PIEZO2: variants seen among roughly 807,000 people sequenced by gnomAD.
PIEZO2 encodes piezo type mechanosensitive ion channel component 2.
A neutral mutation model predicts 337.3 loss-of-function variants in PIEZO2; 172 were observed. That is an observed-to-expected ratio of 0.51 (90% CI 0.45 to 0.58). The LOEUF (loss-of-function observed/expected upper bound fraction) is 0.58, where lower values mean the gene tolerates loss of function less well. Among genes scored for constraint, PIEZO2 ranks in the 20% least tolerant of loss-of-function variants. PIEZO2 has a pLI of 0.00. For missense variants in PIEZO2, 3,028 were observed against 3,391.3 expected, an observed-to-expected ratio of 0.89 and a Z score of 2.66; for synonymous variants, 1,251 against 1,228.5, an observed-to-expected ratio of 1.02 and a Z score of -0.38.
rs147929191 is a variant in PIEZO2, at chr18:10,743,425, C to T, written c.4514+717G>A. Reference sequence around the variant, plus strand: ...GTCCCCAAACAGTCCTCAGAGGTTCCATCATTGCTGGAAATTTCACTCTAA... The same window carrying T: ...GTCCCCAAACAGTCCTCAGAGGTTCTATCATTGCTGGAAATTTCACTCTAA... On this transcript the variant is annotated intron_variant, in intron 31 of 55. Coordinates refer to ENST00000674853, the MANE Select transcript of PIEZO2 (RefSeq NM_001378183.1). Among the ~76,000 whole-genome samples, 192 of 152,236 alleles carry T rather than the reference C, an allele frequency of 1.3e-3. 3 individuals are homozygous for T. The East Asian group carries it at 0.033, about 26-fold the overall frequency.
intron 2 of PIEZO2, among the ~76,000 whole-genome samples, chr18:11,015,896 A>T (rs184007330): frequency 2.4e-4 from 37 of 152,374 alleles, no homozygotes; most frequent in Admixed American, 3.9e-4. Flanking sequence ...CATGTTTTAA[A>T]TATTATTTTG....
intron 4 of PIEZO2, among the ~76,000 whole-genome samples, chr18:10,884,845 A>C (rs2042528793): frequency 6.6e-6 from 1 of 152,196 alleles, no homozygotes; most frequent in Admixed American, 6.5e-5. Context: ...AAAAAGCAAG[A>C]ATCTTTGTAT....
chr18:10,912,417 TA>T (rs1462514450), intron 3 of PIEZO2, among the ~76,000 whole-genome samples: 1 of 152,236 alleles, frequency 6.6e-6, no homozygotes, highest in Non-Finnish European at 1.5e-5. Context: ...CACCTAGCCC[TA>T]AATTCATAAA....
rs1304857296 is a variant in PIEZO2, at chr18:10,863,342, C to T, written c.493-6131G>A. 6.6e-6 allele frequency among the ~76,000 whole-genome samples: 1 copy of T among 152,190 alleles called. No individual in the cohort carries two copies. On this transcript the variant is annotated intron_variant, in intron 5 of 55. Coordinates refer to ENST00000674853, the MANE Select transcript of PIEZO2 (RefSeq NM_001378183.1). This position sits in a 1 kb window ranked among gnomAD's most constrained non-coding sequence, Gnocchi z 4.3. ...ACCTTATGCAAGCCTAACGTGATCG[C>T]ATTTAATGGATAAAGCAAATATTTT... is the stretch of plus-strand genomic sequence containing the variant.
At chr18:10,802,085 C>CAAAAAAAAAAAAAAA (rs58924448) in intron 9 of PIEZO2, among the ~76,000 whole-genome samples, 3 of 96,628 alleles carry the variant, frequency 3.1e-5, no homozygotes, top group African/African-American at 4.1e-5. Context: ...GACTCCGTCT[C>CAAAAAAAAAAAAAAA]AAAAAAAAAA....
intron 2 of PIEZO2, among the ~76,000 whole-genome samples, chr18:11,046,254 T>C (rs2037309899): frequency 6.6e-6 from 1 of 152,222 alleles, no homozygotes; most frequent in Admixed American, 6.5e-5. Flanking sequence ...TATGGTTGAA[T>C]GATAGAATCA....
intron 4 of PIEZO2, among the ~76,000 whole-genome samples, chr18:10,896,797 G>A (rs1040627811): frequency 3.3e-5 from 5 of 152,114 alleles, no homozygotes; most frequent in African/African-American, 1.2e-4. Context: ...CGGCATCACC[G>A]GCCTCCACCT....
Position 10,807,078 on chromosome 18 carries a change from G to A in PIEZO2, c.1080+34C>T, listed in dbSNP as rs1261594002. ...TCACGTGGAGATTCTAGGTTACTTT[G>A]CAGACAAGATCATGAAAATGTTTTT... On this transcript the variant is annotated intron_variant, in intron 8 of 55. Transcript: ENST00000674853. 5 of 1,515,458 alleles carry A rather than the reference G, an allele frequency of 3.3e-6. No individual in the cohort carries two copies. The African/African-American group carries it at 6.9e-5, about 21-fold the overall frequency. 93.9% of individuals were successfully genotyped at this position (1,515,458 alleles called of 1,614,324 possible).
intron 5 of PIEZO2, among the ~76,000 whole-genome samples, chr18:10,868,951 GGCA>G (rs894023619): frequency 3.0e-4 from 46 of 152,304 alleles, no homozygotes; most frequent in African/African-American, 1.1e-3. Flanking sequence ...TGTTATGAAT[GGCA>G]CAGAAGAGAT....
Position 10,846,436 on chromosome 18 carries a change from T to C in PIEZO2, c.917+8917A>G, listed in dbSNP as rs1376717078. On this transcript the variant is annotated intron_variant, in intron 7 of 55. Transcript: ENST00000674853. The surrounding 1 kb of genome is among the most constrained non-coding windows in gnomAD (Gnocchi z 4.1). Reference sequence around the variant, plus strand: ...ACCTATCACTTAGAGTTCAAGAAAATCAAGTTTTACATTATTCTGATATAT... The same window carrying C: ...ACCTATCACTTAGAGTTCAAGAAAACCAAGTTTTACATTATTCTGATATAT... Among the ~76,000 whole-genome samples the C allele has an allele frequency of 6.6e-6, 1 of 151,976 alleles. No homozygotes were observed. The highest frequency in any genetic ancestry group is 2.4e-5 in the African/African-American group (1 of 41,352).
Position 11,096,173 on chromosome 18 carries a change from C to G in PIEZO2, c.65-29951G>C, listed in dbSNP as rs1029797193. ...CCAAGGTGGCTGAGACACCGCCAGC[C>G]TGGCTGTGGGGTGTGGCCACCTAGA... On this transcript the variant is annotated intron_variant, in intron 1 of 55. Transcript: ENST00000674853. This position sits in a 1 kb window ranked among gnomAD's most constrained non-coding sequence, Gnocchi z 4.6. Among the ~76,000 whole-genome samples the G allele has an allele frequency of 6.6e-6, 1 of 152,248 alleles. No homozygotes were observed. The highest frequency in any genetic ancestry group is 2.4e-5 in the African/African-American group (1 of 41,474).
chr18:11,046,298 C>T (rs1336159120), intron 2 of PIEZO2, among the ~76,000 whole-genome samples: 1 of 152,246 alleles, frequency 6.6e-6, no homozygotes, highest in Admixed American at 6.5e-5. Context: ...GCAGCCCAAT[C>T]AGCACCTTCT....
chr18:10,695,264 C>T (rs939200399), intron 47 of PIEZO2, among the ~76,000 whole-genome samples: 1 of 152,116 alleles, frequency 6.6e-6, no homozygotes, highest in Non-Finnish European at 1.5e-5. Flanking sequence ...ACAGAGATCT[C>T]GAGAGTAAGG....
rs200500089 is a variant in PIEZO2 at position 10,696,409 on chromosome 18, C to T, written c.6958G>A (p.Gly2320Ser). ...DTVDFIIIVF[G>S]FWAFGKHSAA... is the part of the protein sequence containing the mutation. ...CAACCTACCCCAAAGGCCCAAAAGC[C>T]GAAGACAATGATGATGAAGTCCACA... Residue 2320 changes from glycine (G) to serine (S), a missense_variant, in exon 46 of 56, where the codon GGC becomes AGC. By Grantham distance (56) the Gly-to-Ser change is moderately conservative. Coordinates refer to ENST00000674853, the MANE Select transcript of PIEZO2 (RefSeq NM_001378183.1). 1.9e-5 allele frequency: 30 copies of T among 1,614,040 alleles called. No individual in the cohort carries two copies. Among genetic ancestry groups the T allele is most frequent in the Non-Finnish European group, 2.3e-5 (27 of 1,180,048 alleles).
chr18:11,053,476 C>T (rs535431078), intron 2 of PIEZO2, among the ~76,000 whole-genome samples: 26 of 152,270 alleles, frequency 1.7e-4, no homozygotes, highest in Admixed American at 1.6e-3. Context: ...TTATTAGAGA[C>T]AGGGTTTCGC....
Position 10,863,994 on chromosome 18 carries a change from C to T in PIEZO2, c.493-6783G>A, listed in dbSNP as rs1156347138. On this transcript the variant is annotated intron_variant, in intron 5 of 55. Coordinates refer to ENST00000674853, the MANE Select transcript of PIEZO2 (RefSeq NM_001378183.1). This position sits in a 1 kb window ranked among gnomAD's most constrained non-coding sequence, Gnocchi z 4.3. Reference sequence around the variant, plus strand: ...AGTGTAGCTGTTCTAAATGATTCACCCTGGTATTCACTCCAAAAATAAAAA... The same window carrying T: ...AGTGTAGCTGTTCTAAATGATTCACTCTGGTATTCACTCCAAAAATAAAAA... 1.3e-5 allele frequency among the ~76,000 whole-genome samples: 2 copies of T among 152,038 alleles called. No individual in the cohort carries two copies. Among genetic ancestry groups the T allele is most frequent in the Admixed American group, 6.6e-5 (1 of 15,256 alleles).
intron 1 of PIEZO2, among the ~76,000 whole-genome samples, chr18:11,133,751 G>C (rs964869111): frequency 4.0e-5 from 6 of 151,718 alleles, no homozygotes; most frequent in South Asian, 2.1e-4. Context: ...TCTATTGTGG[G>C]AACTTGTGAT....
At chr18:11,093,906 C>T (rs759391015) in intron 1 of PIEZO2, among the ~76,000 whole-genome samples, 4 of 152,138 alleles carry the variant, frequency 2.6e-5, no homozygotes, top group Non-Finnish European at 5.9e-5. Context: ...GTGAACATTA[C>T]ATGTAGAGCA....
chr18:11,107,179 A>G (rs1446074723), intron 1 of PIEZO2, among the ~76,000 whole-genome samples: 3 of 152,028 alleles, frequency 2.0e-5, no homozygotes, highest in African/African-American at 7.3e-5. Context: ...GTGCACATCG[A>G]TATTATCCCG....
Sources: gnomAD v4.1 joint callset for allele counts (sites outside exome capture counted in the v4.1 genomes callset) on GRCh38, gnomAD v4.1.1 for gene constraint, Gnocchi (gnomAD v3.1) non-coding constraint, MANE v1.5 for transcripts, NCBI Gene and HGNC (gene_info 2026-07-23, HGNC 2026-07-21) for gene names.